RAI14: variants seen among roughly 807,000 people sequenced by gnomAD.
RAI14 encodes the protein retinoic acid induced 14, also known as ankycorbin.
RAI14 carries 45 observed loss-of-function variants against 115.4 expected under a neutral mutation model. That is an observed-to-expected ratio of 0.39 (90% CI 0.31 to 0.50). RAI14 has a LOEUF of 0.50. Ranked by LOEUF, RAI14 falls within the 20% of genes least tolerant of loss-of-function variation. The pLI is 0.85. For missense variants in RAI14, 939 were observed against 1,131.2 expected (o/e 0.83, Z 2.44); for synonymous variants, 371 against 415.4 (o/e 0.89, Z 1.30).
At chr5:34,679,552 C>A (rs1744240340) in intron 1 of RAI14, among the ~76,000 whole-genome samples, 1 of 152,144 alleles carries the variant, frequency 6.6e-6, no homozygotes, top group South Asian at 2.1e-4. Flanking sequence ...TAGAATCAGG[C>A]TGAGAAAATC....
chr5:34,688,282 G>A (rs1320938953), intron 2 of RAI14: 3 of 1,513,204 alleles, frequency 2.0e-6, no homozygotes, highest in South Asian at 1.2e-5. Flanking sequence ...CAATTCAGCA[G>A]ATAGGGGTTT....
intron 2 of RAI14, among the ~76,000 whole-genome samples, chr5:34,688,939 A>G (rs1396891947): frequency 2.0e-5 from 3 of 152,232 alleles, no homozygotes; most frequent in African/African-American, 7.2e-5. Flanking sequence ...GGTGGGTATT[A>G]CTATTAAGCT....
chr5:34,823,616 A>G lies in RAI14; in HGVS notation c.1774A>G (p.Lys592Glu). The G allele has an allele frequency of 6.2e-7, 1 of 1,614,122 alleles. No homozygotes were observed. The highest frequency in any genetic ancestry group is 8.5e-7 in the Non-Finnish European group (1 of 1,180,032). The change falls in exon 15 of 18, where the codon AAG becomes GAG. Residue 592 changes from lysine to glutamate, a missense_variant. Coordinates refer to ENST00000265109, the MANE Select transcript of RAI14 (RefSeq NM_015577.3). This position sits in a 1 kb window ranked among gnomAD's most constrained non-coding sequence, Gnocchi z 4.5. ...TTGCTCTGTTATTGAGAATATGAAT[A>G]AGGAGAAAGCATTTTTGTTTGAGAA... ...SYCSVIENMN[K>E]EKAFLFEKYQ...
chr5:34,749,467 A>G (rs759965991), intron 2 of RAI14, among the ~76,000 whole-genome samples: 1 of 152,244 alleles, frequency 6.6e-6, no homozygotes, highest in Admixed American at 6.5e-5. Flanking sequence ...AAACCAAAAT[A>G]AAAGAAGGTG....
chr5:34,724,450 T>TCTAATAAA (rs1243733960), intron 2 of RAI14, among the ~76,000 whole-genome samples: 1 of 152,142 alleles, frequency 6.6e-6, no homozygotes, highest in African/African-American at 2.4e-5. Context: ...ATCTAATAAA[T>TCTAATAAA]TGTAACCCAC....
chr5:34,756,551 T>G (rs913922723), intron 2 of RAI14, among the ~76,000 whole-genome samples: 4 of 152,212 alleles, frequency 2.6e-5, no homozygotes, highest in African/African-American at 9.6e-5. Context: ...GCCTCTGATA[T>G]GCTCAACATC....
Position 34,729,953 on chromosome 5 carries a change from T to A in RAI14, c.37-27515T>A, listed in dbSNP as rs201286510. Among the ~76,000 whole-genome samples, 19 of 152,284 alleles carry A rather than the reference T, an allele frequency of 1.2e-4. No homozygotes were observed. The East Asian group carries it at 1.5e-3, about 12-fold the overall frequency. ...AGATGTGTTATTGTGTTCATTTTTT[T>A]AAAAAAAGTTCTCATTGTTTAGAGA... is the stretch of plus-strand genomic sequence containing the variant. On this transcript the variant is annotated intron_variant, in intron 2 of 17. Transcript: ENST00000265109.
chr5:34,700,176 T>C (rs1158165807), intron 2 of RAI14, among the ~76,000 whole-genome samples: 1 of 152,146 alleles, frequency 6.6e-6, no homozygotes, highest in African/African-American at 2.4e-5. Context: ...TTAGCCTAGG[T>C]TGGCTGTGCT....
rs141385497 is a variant in RAI14, at chr5:34,791,602, A to G, written c.168-4337A>G. 2.3e-3 allele frequency among the ~76,000 whole-genome samples: 343 copies of G among 152,320 alleles called. 1 individual carries two copies. The highest frequency in any genetic ancestry group is 7.9e-3 in the African/African-American group (329 of 41,564). ...GTGGATCATCACACACAAAATACCC[A>G]ACCCTGCTGTCATTCAGGGTCCTAG... On this transcript the variant is annotated intron_variant, in intron 3 of 17. Transcript: ENST00000265109. The surrounding 1 kb of genome is among the most constrained non-coding windows in gnomAD (Gnocchi z 5.4).
intron 1 of RAI14, among the ~76,000 whole-genome samples, chr5:34,663,997 A>C (rs1233412677): frequency 6.6e-6 from 1 of 152,160 alleles, no homozygotes; most frequent in Non-Finnish European, 1.5e-5. Flanking sequence ...GTCTTGCCGT[A>C]TAATTCCATG....
At chr5:34,675,741 ACT>A (rs1743933276) in intron 1 of RAI14, among the ~76,000 whole-genome samples, 1 of 149,948 alleles carries the variant, frequency 6.7e-6, no homozygotes, top group Non-Finnish European at 1.5e-5. Context: ...ACAGAGAAAG[ACT>A]CTGTCTCTTA....
chr5:34,670,470 T>A (rs908066338), intron 1 of RAI14, among the ~76,000 whole-genome samples: 8 of 152,332 alleles, frequency 5.3e-5, no homozygotes, highest in East Asian at 1.9e-4. Context: ...TAAAATAATT[T>A]AAAAAATAAA....
rs1388957482 is a variant in RAI14, at chr5:34,812,167, T to G, written c.737-13T>G. 1.9e-6 allele frequency: 3 copies of G among 1,574,354 alleles called. No homozygotes were observed. Among genetic ancestry groups the G allele is most frequent in the Admixed American group, 3.4e-5 (2 of 58,166 alleles). On this transcript the variant is annotated splice_polypyrimidine_tract_variant and intron_variant, in intron 9 of 17. Transcript: ENST00000265109. ...GCTTCTTATAGTTCTTTTTTTCACT[T>G]TTTCCTCTATAGATTTAAAGACCCC...
At chr5:34,751,457 CT>C (rs1295394852) in intron 2 of RAI14, among the ~76,000 whole-genome samples, 1 of 152,176 alleles carries the variant, frequency 6.6e-6, no homozygotes, top group East Asian at 1.9e-4. Flanking sequence ...ATTTTATCAT[CT>C]GTATATACAT....
intron 2 of RAI14, among the ~76,000 whole-genome samples, chr5:34,707,452 G>A (rs1740842066): frequency 6.6e-6 from 1 of 152,222 alleles, no homozygotes; most frequent in Non-Finnish European, 1.5e-5. Context: ...TGGCGACAGA[G>A]CGAGACTCCG....
chr5:34,761,188 T>C (rs573770793), intron 3 of RAI14, among the ~76,000 whole-genome samples: 1 of 152,288 alleles, frequency 6.6e-6, no homozygotes, highest in Non-Finnish European at 1.5e-5. Flanking sequence ...AATTTACCTT[T>C]TTGTGTGCAT....
chr5:34,779,155 C>T (rs1412235696), intron 3 of RAI14, among the ~76,000 whole-genome samples: 1 of 152,130 alleles, frequency 6.6e-6, no homozygotes, highest in Non-Finnish European at 1.5e-5. Context: ...CAGAAAAGGC[C>T]TTTGAAAAAA....
At chr5:34,746,100 C>CCCCCCCCCCCG (rs1746171194) in intron 2 of RAI14, among the ~76,000 whole-genome samples, 1 of 124,842 alleles carries the variant, frequency 8.0e-6, no homozygotes, top group Non-Finnish European at 1.7e-5. Context: ...CTCCCCCCCC[C>CCCCCCCCCCCG]GCCTTTTTTT....
intron 2 of RAI14, among the ~76,000 whole-genome samples, chr5:34,697,390 C>T (rs10472935): frequency 0.026 from 3,793 of 148,478 alleles, 172 homozygotes; most frequent in African/African-American, 0.091. Context: ...GACCCAAGAT[C>T]GTGCCATTGC....
Sources: gnomAD v4.1 joint callset for allele counts (sites outside exome capture counted in the v4.1 genomes callset) on GRCh38, gnomAD v4.1.1 for gene constraint, Gnocchi (gnomAD v3.1) non-coding constraint, MANE v1.5 for transcripts, NCBI Gene and HGNC (gene_info 2026-07-23, HGNC 2026-07-21) for gene names.